Variants in PDIA6 observed in about 807,000 individuals in gnomAD.
The protein encoded by PDIA6 is protein disulfide-isomerase A6.
A neutral mutation model predicts 58.4 loss-of-function variants in PDIA6; 29 were observed. The observed-to-expected ratio is 0.50, with a 90% CI of 0.37 to 0.68. The LOEUF is 0.68. Among genes scored for constraint, PDIA6 ranks in the 30% least tolerant of loss-of-function variants. The pLI is 0.00. For synonymous variants in PDIA6, 192 were observed against 202.6 expected (o/e 0.95, Z 0.44); for missense variants, 480 against 551.0 (o/e 0.87, Z 1.29).
At chr2:10,806,143 A>T (rs1558451963) in intron 1 of PDIA6, among the ~76,000 whole-genome samples, 1 of 151,544 alleles carries the variant, frequency 6.6e-6, no homozygotes, top group Non-Finnish European at 1.5e-5. Flanking sequence ...CAAGGCAGGC[A>T]GATCGCTTGA....
chr2:10,788,361 TATAGC>T (rs1206109893), intron 10 of PDIA6, among the ~76,000 whole-genome samples: 1 of 151,962 alleles, frequency 6.6e-6, no homozygotes, highest in Non-Finnish European at 1.5e-5. Context: ...AATAAAAACA[TATAGC>T]AGAGCAGGCC....
At chr2:10,794,151 A>C (rs1271812262) in intron 4 of PDIA6, among the ~76,000 whole-genome samples, 1 of 152,160 alleles carries the variant, frequency 6.6e-6, no homozygotes, top group Admixed American at 6.5e-5. Flanking sequence ...TCTCTTTAGA[A>C]AGTTCATTTT....
intron 1 of PDIA6, among the ~76,000 whole-genome samples, chr2:10,810,747 TA>T (rs2148564396): frequency 6.6e-6 from 1 of 152,200 alleles, no homozygotes; most frequent in East Asian, 1.9e-4. Flanking sequence ...TCTGAATGCA[TA>T]AAAGTAGCCA....
intron 1 of PDIA6, among the ~76,000 whole-genome samples, chr2:10,829,901 G>A (rs147842646): frequency 2.8e-4 from 43 of 152,330 alleles, no homozygotes; most frequent in African/African-American, 7.7e-4. Context: ...TGGCGGCACT[G>A]TGAAGTCCAC....
At chr2:10,809,119 T>G (rs898765899) in intron 1 of PDIA6, among the ~76,000 whole-genome samples, 5 of 152,246 alleles carry the variant, frequency 3.3e-5, no homozygotes, top group African/African-American at 1.2e-4. Context: ...TCAATATTAT[T>G]TTTCATTTTG....
In PDIA6 at chr2:10,802,647, A is replaced by G; in HGVS notation, c.20-7T>C. 1 of 1,429,014 alleles carries G rather than the reference A, an allele frequency of 7.0e-7. No homozygotes were observed. Among genetic ancestry groups the G allele is most frequent in the Non-Finnish European group, 9.2e-7 (1 of 1,088,922 alleles). The allele number at this position is 1,429,014 out of a possible 1,614,324, so 88.5% of individuals were successfully genotyped here. On this transcript the variant is annotated splice_polypyrimidine_tract_variant and splice_region_variant and intron_variant, in intron 1 of 12. Transcript: ENST00000272227. ...AAGGTACAGCTCACCAGACCTGAAGATAAAAACAAAAGTGCACCATTAACA... is the reference window on the plus strand; with the variant it reads ...AAGGTACAGCTCACCAGACCTGAAGGTAAAAACAAAAGTGCACCATTAACA...
rs1454018296 is a variant in PDIA6 at position 10,812,688 on chromosome 2, G to A, written c.9C>T (p.Leu3=). The A allele has an allele frequency of 6.5e-7, 1 of 1,534,412 alleles. No individual in the cohort carries two copies. Among genetic ancestry groups the A allele is most frequent in the Non-Finnish European group, 8.7e-7 (1 of 1,143,156 alleles). The change falls in exon 1 of 13, where the codon CTC becomes CTT. Residue 3 remains leucine (L), a synonymous_variant. Coordinates refer to ENST00000272227, the MANE Select transcript of PDIA6 (RefSeq NM_005742.4). Reference sequence around the variant, plus strand: ...CTGGCCCGCACCTACCGAGCACCAGGAGAGCCATGCCGAGCGCCGGGCTAC... The same window carrying A: ...CTGGCCCGCACCTACCGAGCACCAGAAGAGCCATGCCGAGCGCCGGGCTAC... MA[L]LVLGLVSCTF...
upstream of PDIA6, among the ~76,000 whole-genome samples, chr2:10,815,151 G>C (rs1667154091): frequency 6.7e-6 from 1 of 149,364 alleles, no homozygotes; most frequent in Non-Finnish European, 1.5e-5. Context: ...GAAATGCACA[G>C]GCCTCCGGAA....
intron 1 of PDIA6, among the ~76,000 whole-genome samples, chr2:10,824,148 C>A (rs1667482057): frequency 6.6e-6 from 1 of 151,838 alleles, no homozygotes; most frequent in Non-Finnish European, 1.5e-5. Context: ...TGGTTCCATA[C>A]TGTAGTGGAT....
intron 8 of PDIA6, 21 bp downstream of exon 8, chr2:10,789,728 C>A (rs201934506): frequency 1.4e-5 from 22 of 1,609,864 alleles, no homozygotes; most frequent in Admixed American, 1.7e-5. Flanking sequence ...TTCTGGACTA[C>A]AAGCAGTTGA....
At chr2:10,797,809 T>A in intron 2 of PDIA6, 52 bp from the exon 3 acceptor site, 1 of 1,422,764 alleles carries the variant, frequency 7.0e-7, no homozygotes, top group Non-Finnish European at 9.7e-7. Flanking sequence ...GATTCTCAAT[T>A]CAAAAAATTC....
chr2:10,816,381 C>T (rs1475319282), upstream of PDIA6, among the ~76,000 whole-genome samples: 3 of 131,378 alleles, frequency 2.3e-5, no homozygotes, highest in African/African-American at 8.8e-5. Context: ...CCACCATGCC[C>T]GGCCTGTATC....
intron 1 of PDIA6, among the ~76,000 whole-genome samples, chr2:10,806,628 C>CAAAGAAAGACAGAAAGAGAGAAAGAA (rs142782761): frequency 1.4e-5 from 1 of 70,362 alleles, no homozygotes; most frequent in Admixed American, 1.7e-4. Context: ...AAAATAAAGA[C>CAAAGAAAGACAGAAAGAGAGAAAGAA]AGAAAGAAAG....
chr2:10,788,726 C>T lies in PDIA6; in HGVS notation c.969G>A (p.Leu323=). The T allele has an allele frequency of 6.2e-7, 1 of 1,613,472 alleles. No homozygotes were observed. Among genetic ancestry groups the T allele is most frequent in the Non-Finnish European group, 8.5e-7 (1 of 1,179,418 alleles). Residue 323 remains leucine, a synonymous_variant, in exon 10 of 13, where the codon TTG becomes TTA. Coordinates refer to ENST00000272227, the MANE Select transcript of PDIA6 (RefSeq NM_005742.4). ...ACATTTTCTTTTTGTATTTGTCTGCCAACTTCAGAAGAACTTCCAGATAAG... is the reference window on the plus strand; with the variant it reads ...ACATTTTCTTTTTGTATTTGTCTGCTAACTTCAGAAGAACTTCCAGATAAG... ...RNSYLEVLLK[L]ADKYKKKMWG...
intron 1 of PDIA6, among the ~76,000 whole-genome samples, chr2:10,830,290 C>A (rs886905556): frequency 6.6e-6 from 1 of 152,350 alleles, no homozygotes; most frequent in East Asian, 1.9e-4. Context: ...TGAACGCATC[C>A]GTGAATAATA....
chr2:10,824,604 G>T (rs980453066), intron 1 of PDIA6, among the ~76,000 whole-genome samples: 2 of 152,218 alleles, frequency 1.3e-5, no homozygotes, highest in African/African-American at 2.4e-5. Flanking sequence ...AGTGGCATTT[G>T]CTTGGGCAGA....
At chr2:10,835,427 C>T (rs1667812377), upstream of PDIA6, among the ~76,000 whole-genome samples, 1 of 152,122 alleles carries the variant, frequency 6.6e-6, no homozygotes. Context: ...CGTATTCCTT[C>T]CAGGTGCGGC....
chr2:10,819,931 T>G (rs1333670251), intron 1 of PDIA6, among the ~76,000 whole-genome samples: 3 of 152,166 alleles, frequency 2.0e-5, no homozygotes, highest in Non-Finnish European at 4.4e-5. Flanking sequence ...GGTCTGCAGG[T>G]TTGTCCTGCT....
intron 1 of PDIA6, among the ~76,000 whole-genome samples, chr2:10,830,905 C>T (rs917590147): frequency 4.6e-5 from 7 of 152,304 alleles, no homozygotes; most frequent in South Asian, 4.1e-4. Flanking sequence ...CGCTTGGCCA[C>T]GTCAGCTTTT....
Sources: gnomAD v4.1 joint callset for allele counts (sites outside exome capture counted in the v4.1 genomes callset) on GRCh38, gnomAD v4.1.1 for gene constraint, MANE v1.5 for transcripts, NCBI Gene and HGNC (gene_info 2026-07-23, HGNC 2026-07-21) for gene names.